The following SYNPR variants were observed in gnomAD, a reference collection of about 807,000 sequenced individuals.
The protein encoded by SYNPR is synaptoporin.
Under a neutral mutation model 32.9 loss-of-function variants are expected in SYNPR, and 23 were observed. That is an observed-to-expected ratio of 0.70 (90% confidence interval 0.50 to 0.99). SYNPR has a LOEUF of 0.99. Among genes scored for constraint, SYNPR ranks in the 50% least tolerant of loss-of-function variants. The pLI, the probability that SYNPR is intolerant of heterozygous loss-of-function variation, is 0.00. For synonymous variants in SYNPR, 146 were observed against 135.9 expected, an observed-to-expected ratio of 1.07 and a Z score of -0.52; for missense variants, 318 against 349.3, an observed-to-expected ratio of 0.91 and a Z score of 0.71.
At chr3:63,595,364 G>C (rs1000156506) in intron 4 of SYNPR, among the ~76,000 whole-genome samples, 1 of 151,874 alleles carries the variant, frequency 6.6e-6, no homozygotes, top group East Asian at 2.0e-4. Context: ...CCCTGAGCAG[G>C]CCTGGCTTTC....
At chr3:63,544,577 G>T (rs1314255082) in intron 3 of SYNPR, among the ~76,000 whole-genome samples, 2 of 152,072 alleles carry the variant, frequency 1.3e-5, no homozygotes, top group Non-Finnish European at 2.9e-5. Context: ...AGTGAAGCCA[G>T]TTATTACATG....
At chr3:63,245,383 A>G (rs2086276250) in intron 1 of SYNPR, among the ~76,000 whole-genome samples, 1 of 152,020 alleles carries the variant, frequency 6.6e-6, no homozygotes. Context: ...AAATGTTTAT[A>G]TTTGGTTCAT....
chr3:63,299,970 A>G (rs2086826958), intron 2 of SYNPR, among the ~76,000 whole-genome samples: 1 of 152,172 alleles, frequency 6.6e-6, no homozygotes, highest in Non-Finnish European at 1.5e-5. Context: ...TTTTTAACTT[A>G]GCATTGTTGA....
intron 3 of SYNPR, among the ~76,000 whole-genome samples, chr3:63,548,078 C>A (rs1165109885): frequency 6.6e-6 from 1 of 152,174 alleles, no homozygotes; most frequent in East Asian, 1.9e-4. Context: ...TCTTTTTCAA[C>A]CTTCCAGATA....
At chr3:63,310,945 C>T (rs2106952804) in intron 2 of SYNPR, among the ~76,000 whole-genome samples, 1 of 152,060 alleles carries the variant, frequency 6.6e-6, no homozygotes, top group Middle Eastern at 3.4e-3. Flanking sequence ...TGAGCTGTTC[C>T]CTGTACTCTC....
At chr3:63,588,692 G>T (rs1703244352) in intron 4 of SYNPR, among the ~76,000 whole-genome samples, 1 of 152,030 alleles carries the variant, frequency 6.6e-6, no homozygotes, top group Admixed American at 6.6e-5. Flanking sequence ...TTTTCTATAT[G>T]ACATAGTAAT....
intron 3 of SYNPR, among the ~76,000 whole-genome samples, chr3:63,512,602 A>T (rs544995838): frequency 6.6e-6 from 1 of 152,152 alleles, no homozygotes; most frequent in Non-Finnish European, 1.5e-5. Flanking sequence ...AAACAAGGTC[A>T]TAGAAATGTG....
intron 4 of SYNPR, among the ~76,000 whole-genome samples, chr3:63,592,126 A>C (rs1395988800): frequency 6.6e-6 from 1 of 152,074 alleles, no homozygotes; most frequent in Non-Finnish European, 1.5e-5. Flanking sequence ...CGTGAAGACC[A>C]GCAGAGACTG....
intron 3 of SYNPR, among the ~76,000 whole-genome samples, chr3:63,518,707 T>C (rs1404062535): frequency 1.3e-5 from 2 of 152,150 alleles, no homozygotes; most frequent in African/African-American, 4.8e-5. Context: ...CTGAGTGCTT[T>C]ACATGTGGAC....
At chr3:63,411,759 A>G (rs928197887) in intron 2 of SYNPR, among the ~76,000 whole-genome samples, 2 of 152,200 alleles carry the variant, frequency 1.3e-5, no homozygotes, top group African/African-American at 4.8e-5. Context: ...GAATGGAATA[A>G]GATCTGGCTT....
chr3:63,498,425 A>C (rs9810682), intron 3 of SYNPR, among the ~76,000 whole-genome samples: 26,486 of 152,062 alleles, frequency 0.17, 2,467 homozygotes, highest in African/African-American at 0.21. Context: ...GGGAGAAAAT[A>C]AACAAGCAAA....
At chr3:63,445,516 TCA>T in intron 2 of SYNPR, 1 of 695,176 alleles carries the variant, frequency 1.4e-6, no homozygotes, top group Non-Finnish European at 2.6e-6. Flanking sequence ...TTTTAAAATT[TCA>T]TAATCAGCTC....
chr3:63,204,427 T>C, the SYNPR span, among the ~76,000 whole-genome samples: 12 of 152,276 alleles, frequency 7.9e-5, 1 homozygote, highest in South Asian at 2.3e-3. Context: ...ACTGGTCTTA[T>C]TGGATTAAAG....
intron 2 of SYNPR, among the ~76,000 whole-genome samples, chr3:63,256,917 C>T (rs571337088): frequency 9.9e-5 from 15 of 152,106 alleles, no homozygotes; most frequent in Admixed American, 4.6e-4. Flanking sequence ...AACTACGTGA[C>T]GAATGCACAA....
intron 2 of SYNPR, among the ~76,000 whole-genome samples, chr3:63,320,581 T>G (rs1331647431): frequency 1.3e-5 from 2 of 152,068 alleles, no homozygotes; most frequent in Non-Finnish European, 2.9e-5. Context: ...GTTCCCCCAC[T>G]TATGTCCACA....
intron 2 of SYNPR, among the ~76,000 whole-genome samples, chr3:63,345,708 G>C (rs1298755196): frequency 6.6e-6 from 1 of 152,202 alleles, no homozygotes; most frequent in Non-Finnish European, 1.5e-5. Flanking sequence ...AAGGGAGGGA[G>C]AGAAAGGTGA....
At chr3:63,393,494 C>CTTTTT (rs1560215363) in intron 2 of SYNPR, among the ~76,000 whole-genome samples, 13 of 102,396 alleles carry the variant, frequency 1.3e-4, no homozygotes, top group African/African-American at 5.6e-4. Context: ...TTTCTTTCTT[C>CTTTTT]TCTTTTTTTT....
intron 2 of SYNPR, among the ~76,000 whole-genome samples, chr3:63,327,237 G>C (rs2087176949): frequency 6.6e-6 from 1 of 152,108 alleles, no homozygotes; most frequent in African/African-American, 2.4e-5. Context: ...ACAATACCAA[G>C]TGACAGCAAG....
chr3:63,306,864 T>C (rs2086914980), intron 2 of SYNPR, among the ~76,000 whole-genome samples: 1 of 151,992 alleles, frequency 6.6e-6, no homozygotes. Flanking sequence ...GTTTGGGCTT[T>C]GCCTTTTTTT....
Sources: allele counts gnomAD v4.1 joint callset (sites outside exome capture counted in the v4.1 genomes callset), GRCh38; gene constraint gnomAD v4.1.1; transcripts MANE v1.5; gene names NCBI Gene and HGNC (gene_info 2026-07-23, HGNC 2026-07-21).